The following CSMD1 variants were observed in gnomAD, a reference collection of about 807,000 sequenced individuals.
The protein encoded by CSMD1 is CUB and sushi domain-containing protein 1.
In CSMD1, 213 loss-of-function variants were observed where a neutral mutation model predicts 417.5. The observed-to-expected ratio is 0.51, with a 90% confidence interval of 0.46 to 0.57. The LOEUF is 0.57. Ranked by LOEUF, CSMD1 falls within the 20% of genes least tolerant of loss-of-function variation. The probability of loss-of-function intolerance (pLI) is 0.00; values close to 1 mark genes in which losing one functional copy is unlikely to be tolerated. For synonymous variants in CSMD1, 2,862 were observed against 1,736.8 expected (o/e 1.65, Z -16.11); for missense variants, 6,923 against 4,529.7 (o/e 1.53, Z -15.17).
At chr8:3,592,519 T>C (rs1382403108) in intron 8 of CSMD1, among the ~76,000 whole-genome samples, 6 of 152,110 alleles carry the variant, frequency 3.9e-5, no homozygotes, top group African/African-American at 1.2e-4. Flanking sequence ...AAAATGGAGA[T>C]GGATGGCATG....
chr8:3,075,609 C>T (rs1813605081), intron 49 of CSMD1, among the ~76,000 whole-genome samples: 1 of 152,054 alleles, frequency 6.6e-6, no homozygotes, highest in South Asian at 2.1e-4. Context: ...ACAGTAAGAA[C>T]AGCCTAATAC....
rs746425922 is a variant in CSMD1, at chr8:3,181,117, T to C, written c.5718A>G (p.Glu1906=). ...AGAAAGAGTTGACCTTACTTTTGTATTCCAGGTGGAAACCAGCAGCTGCCA... is the reference window on the plus strand; with the variant it reads ...AGAAAGAGTTGACCTTACTTTTGTACTCCAGGTGGAAACCAGCAGCTGCCA... The part of the protein sequence containing the change: ...ISVAAAGFHL[E]YKTVGLAACQ... The change falls in exon 37 of 70, where the codon GAA becomes GAG. Residue 1906 remains glutamate (E), a synonymous_variant. Coordinates refer to ENST00000635120, the MANE Select transcript of CSMD1 (RefSeq NM_033225.6). The C allele has an allele frequency of 6.2e-7, 1 of 1,611,634 alleles. No individual in the cohort carries two copies. Among genetic ancestry groups the C allele is most frequent in the South Asian group, 1.1e-5 (1 of 90,884 alleles).
At chr8:4,806,546 C>T (rs1478871778) in intron 1 of CSMD1, among the ~76,000 whole-genome samples, 3 of 152,176 alleles carry the variant, frequency 2.0e-5, no homozygotes, top group African/African-American at 7.2e-5. Flanking sequence ...GTGCTACTAG[C>T]ATATTAACAA....
intron 5 of CSMD1, among the ~76,000 whole-genome samples, chr8:3,968,149 T>A (rs1012629494): frequency 2.0e-5 from 3 of 151,778 alleles, no homozygotes; most frequent in Non-Finnish European, 4.4e-5. Context: ...ATCGACCCAC[T>A]GCACTCCAGC....
At chr8:3,875,474 T>C (rs1805754233) in intron 5 of CSMD1, among the ~76,000 whole-genome samples, 1 of 151,920 alleles carries the variant, frequency 6.6e-6, no homozygotes, top group Non-Finnish European at 1.5e-5. Context: ...AAGCCCGAAC[T>C]GGGTTCCGAG....
Position 3,359,201 on chromosome 8 carries a change from G to A in CSMD1, c.3255C>T (p.Cys1085=). 2 of 1,613,882 alleles carry A rather than the reference G, an allele frequency of 1.2e-6. No individual in the cohort carries two copies. Among genetic ancestry groups the A allele is most frequent in the African/African-American group, 1.3e-5 (1 of 74,988 alleles). Residue 1085 remains cysteine, a synonymous_variant, in exon 21 of 70, where the codon TGC becomes TGT. Transcript: ENST00000635120. ...TCCACACACGGCGGCCCCCACCCAG[G>A]CAGGTAAGCTTGGTGGCACCTTCTA... ...YRLEGATKLT[C]LGGGRRVWSA...
intron 3 of CSMD1, among the ~76,000 whole-genome samples, chr8:4,373,450 A>G (rs138044812): frequency 4.6e-3 from 705 of 152,310 alleles, no homozygotes; most frequent in Non-Finnish European, 6.9e-3. Context: ...AAACACTGCA[A>G]TATCTCTGAA....
chr8:3,684,836 C>T (rs1367739345), intron 7 of CSMD1, among the ~76,000 whole-genome samples: 3 of 152,092 alleles, frequency 2.0e-5, no homozygotes, highest in Non-Finnish European at 4.4e-5. Flanking sequence ...CTAGTATTTC[C>T]ATCACGACTC....
chr8:4,711,760 T>C (rs1269270374), intron 1 of CSMD1, among the ~76,000 whole-genome samples: 1 of 152,144 alleles, frequency 6.6e-6, no homozygotes, highest in East Asian at 1.9e-4. Context: ...TTATGTAGTT[T>C]TTGTTTGCTT....
In CSMD1 at chr8:3,999,521, A is replaced by C. The variant is rs542757823; in HGVS notation, c.611-1411T>G. ...TAGAACCAATCTTGTCGGCAACAGT[A>C]AGAGGGTGATATAGGTCCCTTCAAA... On this transcript the variant is annotated intron_variant, in intron 4 of 69. Coordinates refer to ENST00000635120, the MANE Select transcript of CSMD1 (RefSeq NM_033225.6). Among the ~76,000 whole-genome samples, 9 of 152,320 alleles carry C rather than the reference A, an allele frequency of 5.9e-5. No homozygotes were observed. The South Asian group carries it at 1.7e-3, about 28-fold the overall frequency.
chr8:3,407,006 G>C (rs1257495695), intron 14 of CSMD1, among the ~76,000 whole-genome samples: 1 of 152,154 alleles, frequency 6.6e-6, no homozygotes, highest in African/African-American at 2.4e-5. Context: ...TGGGTGGATG[G>C]TTGTATAGAT....
chr8:3,126,750 C>A (rs1390091672), intron 41 of CSMD1, among the ~76,000 whole-genome samples: 1 of 152,214 alleles, frequency 6.6e-6, no homozygotes, highest in African/African-American at 2.4e-5. Flanking sequence ...CTAGTCCCAG[C>A]ACCTGCTTAT....
intron 54 of CSMD1, among the ~76,000 whole-genome samples, chr8:2,983,578 G>A (rs182175685): frequency 7.4e-4 from 112 of 152,310 alleles, no homozygotes; most frequent in African/African-American, 2.5e-3. Context: ...AAGGCTCTGA[G>A]ATGATTAGAG....
chr8:3,546,052 T>G (rs552536348), intron 10 of CSMD1, among the ~76,000 whole-genome samples: 7 of 152,336 alleles, frequency 4.6e-5, no homozygotes, highest in African/African-American at 1.7e-4. Flanking sequence ...AGTTTCTCCA[T>G]CAAGTTGACA....
At chr8:4,216,956 T>C (rs1283858318) in intron 3 of CSMD1, among the ~76,000 whole-genome samples, 1 of 152,176 alleles carries the variant, frequency 6.6e-6, no homozygotes, top group African/African-American at 2.4e-5. Flanking sequence ...TTTTTCAAAA[T>C]GGCTGTCCTA....
chr8:3,371,621 T>C (rs1809951685), intron 18 of CSMD1, among the ~76,000 whole-genome samples: 1 of 152,142 alleles, frequency 6.6e-6, no homozygotes, highest in South Asian at 2.1e-4. Flanking sequence ...AATTATGTTT[T>C]ATAAAAGCCT....
intron 1 of CSMD1, among the ~76,000 whole-genome samples, chr8:4,731,068 C>A (rs936486603): frequency 1.3e-5 from 2 of 152,142 alleles, no homozygotes; most frequent in Non-Finnish European, 2.9e-5. Flanking sequence ...GGTCTTGACT[C>A]CTGCTGAGAG....
chr8:4,585,206 G>C (rs953614851), intron 2 of CSMD1, among the ~76,000 whole-genome samples: 2 of 151,762 alleles, frequency 1.3e-5, no homozygotes, highest in Non-Finnish European at 2.9e-5. Context: ...AAGAAATAAA[G>C]AGCACCATAA....
intron 60 of CSMD1, 76 bp from the exon 61 acceptor site, chr8:2,962,715 T>A (rs913786908): frequency 3.5e-6 from 5 of 1,443,866 alleles, no homozygotes; most frequent in Non-Finnish European, 4.7e-6. Flanking sequence ...TGGTAACTAG[T>A]TTCTGTTAAA....
Sources: gnomAD v4.1 joint callset for allele counts (sites outside exome capture counted in the v4.1 genomes callset) on GRCh38, gnomAD v4.1.1 for gene constraint, MANE v1.5 for transcripts, NCBI Gene and HGNC (gene_info 2026-07-23, HGNC 2026-07-21) for gene names.